The following GOLGA7B variants were observed in gnomAD, a reference collection of about 807,000 sequenced individuals.
The protein encoded by GOLGA7B is golgin subfamily A member 7B.
GOLGA7B carries 17 observed loss-of-function variants against 21.5 expected under a neutral mutation model. That is an observed-to-expected ratio of 0.79 (90% CI 0.54 to 1.19). GOLGA7B has a LOEUF of 1.19. GOLGA7B is among the 50% of genes most tolerant of loss of function. The pLI is 0.00. For missense variants in GOLGA7B, 169 were observed against 224.4 expected (o/e 0.75, Z 1.58); for synonymous variants, 87 against 84.0 (o/e 1.04, Z -0.19).
chr10:97,852,089 A>G (rs1043925877), intron 1 of GOLGA7B, among the ~76,000 whole-genome samples: 12 of 152,240 alleles, frequency 7.9e-5, no homozygotes, highest in Non-Finnish European at 1.3e-4. Context: ...AGAAGGCATC[A>G]TTATCCCATT....
intron 1 of GOLGA7B, among the ~76,000 whole-genome samples, chr10:97,852,897 G>A (rs990616448): frequency 6.6e-6 from 1 of 152,164 alleles, no homozygotes. Flanking sequence ...GCTGCAATGA[G>A]CCCATTTTCT....
chr10:97,852,660 C>T (rs1296521639), intron 1 of GOLGA7B, among the ~76,000 whole-genome samples: 1 of 149,954 alleles, frequency 6.7e-6, no homozygotes, highest in Non-Finnish European at 1.5e-5. Context: ...AGGAACTCCT[C>T]AGCTCTAGGA....
At chr10:97,863,864 GC>G (rs140635606) in intron 2 of GOLGA7B, 65 bp from the exon 3 acceptor site, 2 of 1,515,538 alleles carry the variant, frequency 1.3e-6, no homozygotes, top group East Asian at 4.5e-5. Flanking sequence ...GTCACTTCCA[GC>G]CCTACCTGTG....
intron 1 of GOLGA7B, among the ~76,000 whole-genome samples, chr10:97,852,628 T>C (rs1206078027): frequency 6.6e-6 from 1 of 151,962 alleles, no homozygotes; most frequent in Non-Finnish European, 1.5e-5. Flanking sequence ...GTTCCCATGA[T>C]TATTCTGTTA....
chr10:97,861,045 T>C (rs2049968372), intron 2 of GOLGA7B, among the ~76,000 whole-genome samples: 1 of 152,214 alleles, frequency 6.6e-6, no homozygotes. Flanking sequence ...GGATCAACAA[T>C]ATCAACAATA....
chr10:97,862,567 A>C (rs931935044), intron 2 of GOLGA7B, among the ~76,000 whole-genome samples: 1 of 152,336 alleles, frequency 6.6e-6, no homozygotes, highest in East Asian at 1.9e-4. Flanking sequence ...GTGGATCATC[A>C]TAAAGGTCTT....
intron 1 of GOLGA7B, among the ~76,000 whole-genome samples, chr10:97,857,784 GGGTTACT>G (rs1350016465): frequency 6.6e-6 from 1 of 152,158 alleles, no homozygotes; most frequent in Non-Finnish European, 1.5e-5. Flanking sequence ...GGTTTTGTAT[GGGTTACT>G]GGTACAAAAA....
chr10:97,856,509 T>C (rs2049936225), intron 1 of GOLGA7B, among the ~76,000 whole-genome samples: 1 of 152,226 alleles, frequency 6.6e-6, no homozygotes, highest in Non-Finnish European at 1.5e-5. Context: ...AAGTTGGTTC[T>C]ATGACTTTGC....
intron 2 of GOLGA7B, among the ~76,000 whole-genome samples, chr10:97,860,499 G>A (rs1447261564): frequency 1.3e-5 from 2 of 152,032 alleles, no homozygotes; most frequent in Admixed American, 1.3e-4. Context: ...TTACAGGTTC[G>A]TGCCACTACT....
intron 2 of GOLGA7B, among the ~76,000 whole-genome samples, chr10:97,863,715 A>T (rs2049987200): frequency 6.6e-6 from 1 of 152,228 alleles, no homozygotes; most frequent in African/African-American, 2.4e-5. Context: ...TCACTCAGCC[A>T]GTTAGTTGAT....
At chr10:97,859,035 C>A (rs142889239) in intron 1 of GOLGA7B, among the ~76,000 whole-genome samples, 1 of 152,342 alleles carries the variant, frequency 6.6e-6, no homozygotes, top group African/African-American at 2.4e-5. Context: ...AGAGACTCAA[C>A]TTTGGCCCTG....
intron 1 of GOLGA7B, among the ~76,000 whole-genome samples, chr10:97,856,424 T>C (rs890794483): frequency 1.3e-5 from 2 of 152,262 alleles, no homozygotes; most frequent in African/African-American, 4.8e-5. Context: ...TTATTTTGTA[T>C]GGCTGTGTAG....
intron 1 of GOLGA7B, among the ~76,000 whole-genome samples, chr10:97,851,138 G>A (rs570782538): frequency 3.3e-5 from 5 of 152,258 alleles, no homozygotes; most frequent in South Asian, 2.1e-4. Context: ...TGTGGAAAAC[G>A]AAAGGACTAA....
rs1378337674 is a variant in GOLGA7B at position 97,855,409 on chromosome 10, G to A, written c.13-4049G>A. ...CAAGGCTATAGTAACCAAAACAGCA[G>A]GTTTTGTATGGGTCAGAGGACAGGA... On this transcript the variant is annotated intron_variant, in intron 1 of 4. Transcript: ENST00000370602. Among the ~76,000 whole-genome samples, 12 of 152,196 alleles carry A rather than the reference G, an allele frequency of 7.9e-5. No homozygotes were observed. In the East Asian group the frequency reaches 2.3e-3, roughly 29 times the overall value.
chr10:97,865,676 G>A lies in GOLGA7B; in HGVS notation c.480G>A (p.Gly160=). The A allele has an allele frequency of 6.2e-7, 1 of 1,608,608 alleles. No individual in the cohort carries two copies. Among genetic ancestry groups the A allele is most frequent in the Non-Finnish European group, 8.5e-7 (1 of 1,177,522 alleles). The change falls in exon 5 of 5, where the codon GGG becomes GGA. Residue 160 remains glycine, a synonymous_variant. Transcript: ENST00000370602. ...SSSGSGSSSG[G]GGGAGAR ...GCGGCAGTGGCAGCAGCAGCGGTGG[G>A]GGTGGTGGGGCGGGGGCCCGGTGAC... is the stretch of plus-strand genomic sequence containing the variant.
chr10:97,856,651 G>C (rs546434292), intron 1 of GOLGA7B, among the ~76,000 whole-genome samples: 1 of 152,328 alleles, frequency 6.6e-6, no homozygotes, highest in African/African-American at 2.4e-5. Context: ...AGTTATTTAA[G>C]AAATCTTCAT....
chr10:97,865,379 G>GGCCT (rs1408669204), intron 4 of GOLGA7B: 1 of 780,256 alleles, frequency 1.3e-6, no homozygotes, highest in African/African-American at 1.7e-5. Context: ...CCCAGCACAG[G>GGCCT]GCCTGGCCTT....
chr10:97,859,021 C>T (rs183698603), intron 1 of GOLGA7B, among the ~76,000 whole-genome samples: 5 of 152,146 alleles, frequency 3.3e-5, no homozygotes, highest in African/African-American at 7.2e-5. Context: ...CGTGCACGTG[C>T]GAGAGAGACT....
chr10:97,863,907 C>G lies in GOLGA7B; in HGVS notation c.139-23C>G, dbSNP rs1225508829. The G allele has an allele frequency of 1.9e-6, 3 of 1,598,890 alleles. No homozygotes were observed. In the East Asian group the frequency reaches 6.7e-5, roughly 36 times the overall value. Reference sequence around the variant, plus strand: ...CACACTCCAGGGAGGCTAACCGCAGCCTGGCTCTGTCCCTTTCTCCAGATC... The same window carrying G: ...CACACTCCAGGGAGGCTAACCGCAGGCTGGCTCTGTCCCTTTCTCCAGATC... On this transcript the variant is annotated intron_variant, in intron 2 of 4. Coordinates refer to ENST00000370602, the MANE Select transcript of GOLGA7B (RefSeq NM_001010917.3).
Sources: gnomAD v4.1 joint callset for allele counts (sites outside exome capture counted in the v4.1 genomes callset) on GRCh38, gnomAD v4.1.1 for gene constraint, MANE v1.5 for transcripts, NCBI Gene and HGNC (gene_info 2026-07-23, HGNC 2026-07-21) for gene names.